LSAMP: variants seen among roughly 807,000 people sequenced by gnomAD.
LSAMP encodes limbic system associated membrane protein, also known as limbic system-associated membrane protein.
Under a neutral mutation model 38.6 loss-of-function variants are expected in LSAMP, and 7 were observed. The observed-to-expected ratio is 0.18, with a 90% CI of 0.10 to 0.34. LSAMP has a LOEUF of 0.34. Among genes scored for constraint, LSAMP ranks in the 10% least tolerant of loss-of-function variants. The pLI, the probability that LSAMP is intolerant of heterozygous loss-of-function variation, is 1.00. For synonymous variants in LSAMP, 154 were observed against 166.8 expected, an observed-to-expected ratio of 0.92 and a Z score of 0.59; for missense variants, 313 against 420.0, an observed-to-expected ratio of 0.75 and a Z score of 2.23.
chr3:116,010,548 C>T (rs1940294825), intron 3 of LSAMP, among the ~76,000 whole-genome samples: 1 of 152,102 alleles, frequency 6.6e-6, no homozygotes, highest in Non-Finnish European at 1.5e-5. Context: ...AGAACAATTG[C>T]TGATAATAAA....
At chr3:116,421,862 A>G (rs1182723688) in intron 1 of LSAMP, among the ~76,000 whole-genome samples, 1 of 152,198 alleles carries the variant, frequency 6.6e-6, no homozygotes, top group Non-Finnish European at 1.5e-5. Flanking sequence ...ATTTTGGAAA[A>G]CAATATGGCA....
chr3:115,897,198 C>T (rs7628644), intron 3 of LSAMP, among the ~76,000 whole-genome samples: 1,640 of 152,102 alleles, frequency 0.011, 15 homozygotes, highest in Middle Eastern at 0.037. Context: ...GCTCACCCAG[C>T]TATTAATAAA....
chr3:115,958,541 A>G (rs1938526764), intron 3 of LSAMP, among the ~76,000 whole-genome samples: 1 of 152,150 alleles, frequency 6.6e-6, no homozygotes, highest in Admixed American at 6.6e-5. Context: ...GGAGGTTGAT[A>G]TGAGGTTGAT....
chr3:116,140,345 GC>G (rs1475876457), intron 1 of LSAMP, among the ~76,000 whole-genome samples: 2 of 151,612 alleles, frequency 1.3e-5, no homozygotes, highest in Admixed American at 1.3e-4. Flanking sequence ...TTTTTATGGG[GC>G]CATATTTTAA....
chr3:116,292,710 A>G (rs962462805), intron 1 of LSAMP, among the ~76,000 whole-genome samples: 2 of 152,240 alleles, frequency 1.3e-5, no homozygotes, highest in Admixed American at 1.3e-4. Flanking sequence ...ACACTAAAAA[A>G]TGACTTCACA....
chr3:116,028,543 A>T (rs1213557565), intron 2 of LSAMP, among the ~76,000 whole-genome samples: 1 of 152,178 alleles, frequency 6.6e-6, no homozygotes, highest in Non-Finnish European at 1.5e-5. Flanking sequence ...TCACCTAGCA[A>T]TTGGAGGTAC....
chr3:115,852,384 T>G (rs1559850860), intron 4 of LSAMP, 99 bp downstream of exon 4: 4 of 1,388,028 alleles, frequency 2.9e-6, no homozygotes, highest in Non-Finnish European at 3.9e-6. Flanking sequence ...AGCATCTGCT[T>G]GAAATACAAT....
intron 1 of LSAMP, among the ~76,000 whole-genome samples, chr3:116,233,238 C>A (rs538173794): frequency 6.6e-6 from 1 of 151,660 alleles, no homozygotes; most frequent in South Asian, 2.1e-4. Flanking sequence ...ACAGTGCAAC[C>A]CCGTCTCTAC....
intron 6 of LSAMP, 66 bp downstream of exon 6, chr3:115,841,779 T>G (rs1202576350): frequency 1.3e-6 from 2 of 1,528,194 alleles, no homozygotes; most frequent in Non-Finnish European, 1.8e-6. Context: ...GGGAATGGTT[T>G]TCACGTTTTT....
At chr3:116,253,668 T>C (rs1315488158) in intron 1 of LSAMP, among the ~76,000 whole-genome samples, 1 of 152,202 alleles carries the variant, frequency 6.6e-6, no homozygotes, top group African/African-American at 2.4e-5. Context: ...TCTCATTTGT[T>C]TAACATTGTG....
chr3:115,973,417 G>C (rs1490975320), intron 3 of LSAMP, among the ~76,000 whole-genome samples: 4 of 152,036 alleles, frequency 2.6e-5, no homozygotes, highest in Admixed American at 1.3e-4. Context: ...CTTGGGGAGG[G>C]GATACAAGTC....
chr3:116,048,271 G>T lies in LSAMP; in HGVS notation c.389-28631C>A, dbSNP rs191967759. 2.2e-3 allele frequency among the ~76,000 whole-genome samples: 341 copies of T among 152,256 alleles called. 4 individuals carry two copies. The highest frequency in any genetic ancestry group is 7.3e-3 in the African/African-American group (304 of 41,538). Reference sequence around the variant, plus strand: ...AAACATATATATCTTGAATAACTTTGTTGTGTGTGTGCATTCTTTACATAA... The same window carrying T: ...AAACATATATATCTTGAATAACTTTTTTGTGTGTGTGCATTCTTTACATAA... On this transcript the variant is annotated intron_variant, in intron 2 of 6. Transcript: ENST00000490035.
intron 3 of LSAMP, among the ~76,000 whole-genome samples, chr3:116,004,561 T>C (rs566249485): frequency 1.1e-3 from 170 of 150,510 alleles, no homozygotes; most frequent in Non-Finnish European, 2.1e-3. Context: ...GGTGCATATA[T>C]ATATATACAT....
intron 1 of LSAMP, among the ~76,000 whole-genome samples, chr3:116,208,579 C>G (rs112581134): frequency 1.5e-4 from 23 of 152,134 alleles, no homozygotes; most frequent in African/African-American, 4.3e-4. Context: ...ATGGGTTTTT[C>G]GTGTGGATGT....
intron 6 of LSAMP, among the ~76,000 whole-genome samples, chr3:115,840,057 C>T (rs1934946090): frequency 6.6e-6 from 1 of 151,904 alleles, no homozygotes. Context: ...TCAAGTATTC[C>T]ATCCTTCTAA....
chr3:116,206,695 T>G (rs914196278), intron 1 of LSAMP, among the ~76,000 whole-genome samples: 1 of 151,952 alleles, frequency 6.6e-6, no homozygotes, highest in Non-Finnish European at 1.5e-5. Flanking sequence ...TTGTTCAGTT[T>G]CCATGTAGCT....
chr3:116,289,279 A>G (rs539843958), intron 1 of LSAMP, among the ~76,000 whole-genome samples: 44 of 152,292 alleles, frequency 2.9e-4, no homozygotes, highest in African/African-American at 1.0e-3. Context: ...ACTGCTACAC[A>G]TTTTATTTTA....
chr3:116,353,906 G>A (rs1353497990), intron 1 of LSAMP, among the ~76,000 whole-genome samples: 1 of 152,052 alleles, frequency 6.6e-6, no homozygotes, highest in Non-Finnish European at 1.5e-5. Flanking sequence ...AAAAATCATT[G>A]TAGGAGAGCT....
intron 2 of LSAMP, among the ~76,000 whole-genome samples, chr3:116,054,347 C>G (rs576060477): frequency 2.6e-5 from 4 of 152,198 alleles, no homozygotes; most frequent in African/African-American, 7.2e-5. Flanking sequence ...TCTGTGGAGC[C>G]CTTTTTGCCT....
Sources: gnomAD v4.1 joint callset for allele counts (sites outside exome capture counted in the v4.1 genomes callset) on GRCh38, gnomAD v4.1.1 for gene constraint, MANE v1.5 for transcripts, NCBI Gene and HGNC (gene_info 2026-07-23, HGNC 2026-07-21) for gene names.